The following TEKT3 variants were observed in gnomAD, a reference collection of about 807,000 sequenced individuals.
TEKT3 encodes the protein tektin-3.
TEKT3 carries 49 observed loss-of-function variants against 49.8 expected under a neutral mutation model. That is an observed-to-expected ratio of 0.98 (90% confidence interval 0.78 to 1.25). The LOEUF (loss-of-function observed/expected upper bound fraction) is 1.25, where lower values mean the gene tolerates loss of function less well. Among genes scored for constraint, TEKT3 ranks in the 50% most tolerant of loss-of-function variants. TEKT3 has a pLI of 0.00. For missense variants in TEKT3, 595 were observed against 629.5 expected (o/e 0.95, Z 0.59); for synonymous variants, 225 against 237.2 (o/e 0.95, Z 0.47).
intron 8 of TEKT3, among the ~76,000 whole-genome samples, chr17:15,307,849 G>A (rs546180452): frequency 2.6e-5 from 4 of 152,262 alleles, no homozygotes; most frequent in South Asian, 2.1e-4. Context: ...GAAAGAAAAG[G>A]CAGACTCACA....
At chr17:15,330,720 C>T (rs907935272) in intron 3 of TEKT3, among the ~76,000 whole-genome samples, 1 of 152,040 alleles carries the variant, frequency 6.6e-6, no homozygotes, top group Non-Finnish European at 1.5e-5. Flanking sequence ...ATACAGATGG[C>T]GTGTTCACCT....
intron 4 of TEKT3, among the ~76,000 whole-genome samples, chr17:15,323,599 T>C (rs534374686): frequency 1.3e-5 from 2 of 152,382 alleles, no homozygotes; most frequent in East Asian, 1.9e-4. Context: ...GTTGCATCCA[T>C]GTTTTTCAAA....
chr17:15,327,738 CA>C, intron 4 of TEKT3: 1 of 388,144 alleles, frequency 2.6e-6, no homozygotes, highest in African/African-American at 2.0e-5. Flanking sequence ...TGAAATACTC[CA>C]AAATTAATAG....
At chr17:15,308,541 C>T (rs1445829928) in intron 8 of TEKT3, 123 bp downstream of exon 8, 38 of 1,310,966 alleles carry the variant, frequency 2.9e-5, no homozygotes, top group Non-Finnish European at 3.7e-5. Context: ...CCCATTACTA[C>T]CATTCTCACA....
chr17:15,343,161 A>G (rs1186995532), upstream of TEKT3, among the ~76,000 whole-genome samples: 1 of 152,240 alleles, frequency 6.6e-6, no homozygotes, highest in Non-Finnish European at 1.5e-5. Context: ...TAGATGCCCA[A>G]TAGCATTGCT....
intron 4 of TEKT3, among the ~76,000 whole-genome samples, chr17:15,327,241 G>A (rs937772483): frequency 6.6e-6 from 1 of 152,086 alleles, no homozygotes; most frequent in African/African-American, 2.4e-5. Context: ...ATCCAGGCTG[G>A]GTGCAGTGGC....
intron 7 of TEKT3, 61 bp downstream of exon 7, chr17:15,312,198 A>G (rs2150735995): frequency 6.7e-7 from 1 of 1,501,484 alleles, no homozygotes; most frequent in Non-Finnish European, 9.2e-7. Context: ...AGAGATTTGT[A>G]GTCCCAGAGC....
At chr17:15,326,794 C>G (rs1230162305) in intron 4 of TEKT3, among the ~76,000 whole-genome samples, 1 of 152,142 alleles carries the variant, frequency 6.6e-6, no homozygotes, top group South Asian at 2.1e-4. Flanking sequence ...GTACATGATA[C>G]TTGAAATCTT....
At chr17:15,314,450 C>T (rs1597661084) in intron 5 of TEKT3, among the ~76,000 whole-genome samples, 1 of 152,178 alleles carries the variant, frequency 6.6e-6, no homozygotes, top group East Asian at 1.9e-4. Context: ...TACACTTCTC[C>T]TTTCATAGGG....
rs560935985 is a variant in TEKT3 at position 15,331,932 on chromosome 17, C to T, written c.-29-318G>A. ...TAGGAGCCTAAACTATGCATCTTAA[C>T]GGATAGGGATTCAAAATAGATTTCT... is the stretch of plus-strand genomic sequence containing the variant. On this transcript the variant is annotated intron_variant, in intron 2 of 8. Transcript: ENST00000395930. 8.2e-4 allele frequency among the ~76,000 whole-genome samples: 125 copies of T among 152,196 alleles called. No individual in the cohort carries two copies. The South Asian group carries it at 0.012, about 14-fold the overall frequency.
chr17:15,306,087 A>ATGTGTGTG (rs750721630), intron 8 of TEKT3, among the ~76,000 whole-genome samples: 22 of 128,566 alleles, frequency 1.7e-4, no homozygotes, highest in South Asian at 5.0e-4. Flanking sequence ...TTATTTATAT[A>ATGTGTGTG]TATGTGTGTG....
rs368481700 is a variant in TEKT3, at chr17:15,304,526, G to C, written c.1257-374C>G. On this transcript the variant is annotated intron_variant, in intron 8 of 8. Transcript: ENST00000395930. This position sits in a 1 kb window ranked among gnomAD's most constrained non-coding sequence, Gnocchi z 4.7. ...TTACAGACTAGGAAATAGAGCCCAG[G>C]GGTTCATAAGCTGTCCTTTCCATCG... Among the ~76,000 whole-genome samples the C allele has an allele frequency of 6.6e-6, 1 of 152,098 alleles. No homozygotes were observed. Among genetic ancestry groups the C allele is most frequent in the East Asian group, 1.9e-4 (1 of 5,176 alleles).
At chr17:15,333,020 TC>T (rs1911832256) in intron 2 of TEKT3, among the ~76,000 whole-genome samples, 1 of 149,050 alleles carries the variant, frequency 6.7e-6, no homozygotes, top group Non-Finnish European at 1.5e-5. Context: ...TCATTGTAGA[TC>T]TTTTTTTTTT....
At chr17:15,341,064 G>A (rs1429248514) in intron 1 of TEKT3, among the ~76,000 whole-genome samples, 2 of 152,136 alleles carry the variant, frequency 1.3e-5, no homozygotes, top group Non-Finnish European at 2.9e-5. Context: ...AATTTAAGGA[G>A]CTCGGTCTAC....
chr17:15,310,898 C>A (rs1445671949), intron 7 of TEKT3: 6 of 151,878 alleles, frequency 4.0e-5, no homozygotes, highest in Admixed American at 3.9e-4. Context: ...TCCCAGGACA[C>A]AAACCATCTA....
At chr17:15,317,559 G>A (rs1385195749) in intron 5 of TEKT3, among the ~76,000 whole-genome samples, 2 of 152,102 alleles carry the variant, frequency 1.3e-5, no homozygotes, top group African/African-American at 2.4e-5. Flanking sequence ...TCCAACCTTC[G>A]TGGTGTTCAG....
At chr17:15,342,578 C>T (rs949176846), upstream of TEKT3, among the ~76,000 whole-genome samples, 1 of 152,202 alleles carries the variant, frequency 6.6e-6, no homozygotes, top group African/African-American at 2.4e-5. Context: ...GGCTGGTCCT[C>T]AGCTTTGCCA....
Position 15,331,074 on chromosome 17 carries a change from G to T in TEKT3, c.512C>A (p.Thr171Lys). 2.5e-6 allele frequency: 4 copies of T among 1,614,144 alleles called. No individual in the cohort carries two copies. In the Admixed American group the frequency reaches 6.7e-5, roughly 27 times the overall value. The change falls in exon 3 of 9, where the codon ACA becomes AAA. Residue 171 changes from threonine to lysine, a missense_variant. By Grantham distance (78) the Thr-to-Lys change is moderately conservative. Coordinates refer to ENST00000395930, the MANE Select transcript of TEKT3 (RefSeq NM_031898.3). The part of the protein sequence containing the change: ...IHELDEMIGE[T>K]NALTDVKKRL... The stretch of plus-strand genomic sequence containing the variant: ...TTTCTTCACATCAGTAAGTGCATTT[G>T]TCTCTCCAATCATTTCATCCAACTC...
At chr17:15,314,330 C>T (rs1019493940) in intron 5 of TEKT3, 100 bp from the exon 6 acceptor site, 21 of 1,447,170 alleles carry the variant, frequency 1.5e-5, no homozygotes, top group Non-Finnish European at 2.0e-5. Context: ...CTCACTGTTG[C>T]TCTCACCATC....
Sources: allele counts gnomAD v4.1 joint callset (sites outside exome capture counted in the v4.1 genomes callset), GRCh38; gene constraint gnomAD v4.1.1; non-coding constraint Gnocchi (gnomAD v3.1); transcripts MANE v1.5; gene names NCBI Gene and HGNC (gene_info 2026-07-23, HGNC 2026-07-21).